KYNU: variants seen among roughly 807,000 people sequenced by gnomAD.
The protein encoded by KYNU is L-kynurenine hydrolase.
A neutral mutation model predicts 59.2 loss-of-function variants in KYNU; 54 were observed. That is an observed-to-expected ratio of 0.91 (90% confidence interval 0.73 to 1.14). The LOEUF (loss-of-function observed/expected upper bound fraction) is 1.14, where lower values mean the gene tolerates loss of function less well. Among genes scored for constraint, KYNU ranks in the 50% most tolerant of loss-of-function variants. KYNU has a pLI of 0.00. For synonymous variants in KYNU, 177 were observed against 192.0 expected (o/e 0.92, Z 0.65); for missense variants, 567 against 554.4 (o/e 1.02, Z -0.23).
intron 3 of KYNU, 127 bp from the exon 4 acceptor site, chr2:142,927,531 AT>A: frequency 1.5e-6 from 1 of 680,372 alleles, no homozygotes; most frequent in East Asian, 2.7e-5. Flanking sequence ...AAAAGGCCTG[AT>A]TTTATATAAT....
intron 8 of KYNU, among the ~76,000 whole-genome samples, chr2:142,981,172 G>C (rs6429997): frequency 0.48 from 72,541 of 151,930 alleles, 17,972 homozygotes; most frequent in East Asian, 0.71. Flanking sequence ...AATGTGGCCA[G>C]AAGGATTTTC....
At chr2:142,887,232 A>C (rs1021873522) in intron 2 of KYNU, among the ~76,000 whole-genome samples, 1 of 152,154 alleles carries the variant, frequency 6.6e-6, no homozygotes, top group African/African-American at 2.4e-5. Context: ...AGGAAAATGC[A>C]CATCAAAACC....
At chr2:142,905,980 C>A (rs1389201027) in intron 2 of KYNU, among the ~76,000 whole-genome samples, 1 of 151,978 alleles carries the variant, frequency 6.6e-6, no homozygotes, top group East Asian at 1.9e-4. Flanking sequence ...CTTTCTATTT[C>A]TTTCTCTCTC....
At chr2:142,989,562 T>C (rs1357124553) in intron 10 of KYNU, 1 of 876,966 alleles carries the variant, frequency 1.1e-6, no homozygotes, top group African/African-American at 1.8e-5. Flanking sequence ...GTCCACTCAT[T>C]CACTCTTTAA....
chr2:142,999,638 T>C (rs1685653297), intron 10 of KYNU, among the ~76,000 whole-genome samples: 1 of 152,162 alleles, frequency 6.6e-6, no homozygotes, highest in Non-Finnish European at 1.5e-5. Context: ...TTATTTAAAT[T>C]AGTAATGTTT....
Position 142,931,068 on chromosome 2 carries a change from A to G in KYNU, c.373+3327A>G, listed in dbSNP as rs2105023510. On this transcript the variant is annotated intron_variant, in intron 4 of 13. Transcript: ENST00000264170. ...CTGGATGGCCTCTTTCTCGATCTTC[A>G]GGGTTACGTGTCTTCCGGCCAGGGT... is the stretch of plus-strand genomic sequence containing the variant. Among the ~76,000 whole-genome samples the G allele has an allele frequency of 2.0e-5, 3 of 152,298 alleles. No homozygotes were observed. The South Asian group carries it at 6.2e-4, about 32-fold the overall frequency.
At chr2:142,977,763 A>G (rs13019625) in intron 8 of KYNU, among the ~76,000 whole-genome samples, 37,323 of 152,034 alleles carry the variant, frequency 0.25, 5,393 homozygotes, top group South Asian at 0.42. Context: ...GTACAGCATG[A>G]ACATAATATG....
intron 2 of KYNU, among the ~76,000 whole-genome samples, chr2:142,910,741 T>A (rs188864201): frequency 6.6e-5 from 10 of 152,320 alleles, no homozygotes; most frequent in South Asian, 2.1e-4. Context: ...CTTGAGTCAA[T>A]AATTGTATTT....
At chr2:143,041,205 A>G (rs534353414) in intron 13 of KYNU, among the ~76,000 whole-genome samples, 1 of 152,158 alleles carries the variant, frequency 6.6e-6, no homozygotes, top group Admixed American at 6.6e-5. Context: ...TCTTGAAGAG[A>G]ACTAATAAAT....
chr2:142,952,937 A>G (rs1333293295), intron 4 of KYNU, among the ~76,000 whole-genome samples: 1 of 152,128 alleles, frequency 6.6e-6, no homozygotes, highest in African/African-American at 2.4e-5. Context: ...TTTTTTAAAT[A>G]AATGGTTTTC....
chr2:142,947,429 T>G, intron 4 of KYNU: 1 of 511,854 alleles, frequency 2.0e-6, no homozygotes, highest in Non-Finnish European at 3.4e-6. Context: ...AAACAGCGCT[T>G]CCCTGGATAT....
At chr2:142,948,698 C>G (rs1212851094) in intron 4 of KYNU, among the ~76,000 whole-genome samples, 1 of 152,182 alleles carries the variant, frequency 6.6e-6, no homozygotes, top group African/African-American at 2.4e-5. Context: ...CACCAGGTCC[C>G]TCCCACAACA....
chr2:143,013,026 C>T (rs982004809), intron 10 of KYNU, among the ~76,000 whole-genome samples: 8 of 151,946 alleles, frequency 5.3e-5, no homozygotes, highest in Admixed American at 6.6e-5. Flanking sequence ...ACTATGTTGT[C>T]CAGGCTGGAG....
At chr2:143,040,774 A>T (rs1687022091) in intron 13 of KYNU, 116 bp downstream of exon 13, 1 of 674,002 alleles carries the variant, frequency 1.5e-6, no homozygotes, top group Non-Finnish European at 2.5e-6. Flanking sequence ...TCAGTCAATT[A>T]AGGATAAATT....
In KYNU at chr2:143,033,301, T is replaced by G. The variant is rs778293782; in HGVS notation, c.1021T>G (p.Ser341Ala). 1.1e-5 allele frequency: 18 copies of G among 1,613,596 alleles called. No homozygotes were observed. Among genetic ancestry groups the G allele is most frequent in the Non-Finnish European group, 1.5e-5 (18 of 1,179,446 alleles). Residue 341 changes from serine to alanine, a missense_variant, in exon 12 of 14, where the codon TCC (serine) becomes GCC (alanine). Transcript: ENST00000264170. ...AAATCCTCCCATTTTGTTGGTCTGT[T>G]CCTTGCATGCTAGTTTAGAGGTAAG... ...ISNPPILLVCSLHASLEIFKQ... is the reference protein window; with the variant it reads ...ISNPPILLVCALHASLEIFKQ...
intron 10 of KYNU, among the ~76,000 whole-genome samples, chr2:143,017,166 G>A (rs1156663994): frequency 6.6e-6 from 1 of 150,752 alleles, no homozygotes; most frequent in African/African-American, 2.4e-5. Flanking sequence ...GGGCACCTCG[G>A]CTGATTCCAT....
rs1687101582 is a variant in KYNU, at chr2:143,043,041, A to T, written c.*869A>T. On this transcript the variant is annotated 3_prime_UTR_variant, in exon 14 of 14. Transcript: ENST00000264170. ...TCATAAGAAATGTTGGAAACTCATT[A>T]TATTGATTTCCTTACCCACTCATGG... is the stretch of plus-strand genomic sequence containing the variant. 1 of 151,966 alleles carries T rather than the reference A, an allele frequency of 6.6e-6. No homozygotes were observed. The highest frequency in any genetic ancestry group is 2.4e-5 in the African/African-American group (1 of 41,424). The allele number at this position is 151,966 out of a possible 1,614,324, so 9.4% of individuals were successfully genotyped here.
intron 2 of KYNU, among the ~76,000 whole-genome samples, chr2:142,906,983 C>T (rs1387843429): frequency 1.3e-5 from 2 of 152,138 alleles, no homozygotes; most frequent in African/African-American, 2.4e-5. Flanking sequence ...GTCTTTAGTC[C>T]GGTGGCCATG....
intron 8 of KYNU, among the ~76,000 whole-genome samples, chr2:142,982,759 C>T (rs1231069354): frequency 1.3e-5 from 2 of 152,036 alleles, no homozygotes; most frequent in Admixed American, 6.6e-5. Context: ...ACAGCTGGCT[C>T]ACATTGAGGA....
Sources: allele counts gnomAD v4.1 joint callset (sites outside exome capture counted in the v4.1 genomes callset), GRCh38; gene constraint gnomAD v4.1.1; transcripts MANE v1.5; gene names NCBI Gene and HGNC (gene_info 2026-07-23, HGNC 2026-07-21).